PINX1: variants seen among roughly 807,000 people sequenced by gnomAD.
The protein encoded by PINX1 is PIN2 (TERF1) interacting telomerase inhibitor 1.
In PINX1, 34 loss-of-function variants were observed where a neutral mutation model predicts 25.4. That is an observed-to-expected ratio of 1.34 (90% CI 1.02 to 1.78). The LOEUF is 1.78. PINX1 is among the 40% of genes most tolerant of loss of function. The pLI is 0.00. For synonymous variants in PINX1, 197 were observed against 147.7 expected, an observed-to-expected ratio of 1.33 and a Z score of -2.42; for missense variants, 592 against 404.9, an observed-to-expected ratio of 1.46 and a Z score of -3.97.
intron 4 of PINX1, among the ~76,000 whole-genome samples, chr8:10,829,386 T>C (rs979505452): frequency 3.3e-5 from 5 of 152,164 alleles, no homozygotes; most frequent in Admixed American, 1.3e-4. Flanking sequence ...TCGTGGTTTA[T>C]GGCTCTAGAT....
chr8:10,780,358 T>A (rs932184391), intron 6 of PINX1, among the ~76,000 whole-genome samples: 2 of 152,222 alleles, frequency 1.3e-5, no homozygotes, highest in Non-Finnish European at 2.9e-5. Context: ...GGGTTTTTCA[T>A]AAGTGGCCTT....
chr8:10,781,619 A>G (rs1264418327), intron 6 of PINX1, among the ~76,000 whole-genome samples: 1 of 152,230 alleles, frequency 6.6e-6, no homozygotes, highest in Non-Finnish European at 1.5e-5. Flanking sequence ...GGAAATGTAA[A>G]TCAGAACCAT....
chr8:10,839,447 C>A (rs1798502139), intron 1 of PINX1, among the ~76,000 whole-genome samples: 1 of 152,116 alleles, frequency 6.6e-6, no homozygotes, highest in Admixed American at 6.5e-5. Context: ...GGCGGCGGGG[C>A]CAGTCCCGGG....
intron 4 of PINX1, among the ~76,000 whole-genome samples, chr8:10,830,625 T>G (rs1798200524): frequency 6.6e-6 from 1 of 152,192 alleles, no homozygotes; most frequent in Non-Finnish European, 1.5e-5. Context: ...TAAAAATGCT[T>G]GCAGATTACA....
intron 6 of PINX1, among the ~76,000 whole-genome samples, chr8:10,813,494 G>A (rs773259708): frequency 1.6e-4 from 24 of 152,242 alleles, no homozygotes; most frequent in African/African-American, 4.8e-4. Context: ...AAGCAGAAGC[G>A]TCTGCTCGGA....
At chr8:10,797,820 G>C (rs6983956) in intron 6 of PINX1, among the ~76,000 whole-genome samples, 31,488 of 152,122 alleles carry the variant, frequency 0.21, 4,754 homozygotes, top group African/African-American at 0.43. Context: ...TTTGAATTAG[G>C]AAATGGTACA....
At chr8:10,774,918 A>C (rs1340195888) in intron 6 of PINX1, among the ~76,000 whole-genome samples, 1 of 152,210 alleles carries the variant, frequency 6.6e-6, no homozygotes, top group Non-Finnish European at 1.5e-5. Context: ...GTCATGTTAA[A>C]AGAGTAAATG....
chr8:10,806,731 C>T (rs1300793920), intron 6 of PINX1, among the ~76,000 whole-genome samples: 1 of 152,122 alleles, frequency 6.6e-6, no homozygotes, highest in Non-Finnish European at 1.5e-5. Flanking sequence ...GAAAAACTGA[C>T]CCCCAGAGGC....
At chr8:10,813,739 G>A (rs1042636597) in intron 6 of PINX1, among the ~76,000 whole-genome samples, 2 of 152,116 alleles carry the variant, frequency 1.3e-5, no homozygotes, top group African/African-American at 2.4e-5. Context: ...ATTTTGCCAG[G>A]AGCCCATGCC....
chr8:10,792,898 GC>G (rs1801968009), intron 6 of PINX1, among the ~76,000 whole-genome samples: 1 of 152,074 alleles, frequency 6.6e-6, no homozygotes, highest in African/African-American at 2.4e-5. Context: ...TATCTGAGAT[GC>G]CCCCTTACCT....
At chr8:10,800,642 G>C (rs960144714) in intron 6 of PINX1, among the ~76,000 whole-genome samples, 1 of 152,010 alleles carries the variant, frequency 6.6e-6, no homozygotes, top group Non-Finnish European at 1.5e-5. Context: ...GTTAATGTTT[G>C]CATTTTTAGT....
intron 6 of PINX1, among the ~76,000 whole-genome samples, chr8:10,781,608 A>T (rs887859886): frequency 2.0e-5 from 3 of 152,352 alleles, no homozygotes; most frequent in South Asian, 2.1e-4. Flanking sequence ...CTAACCATCA[A>T]GGAAATGTAA....
At chr8:10,806,944 G>A (rs1802470817) in intron 6 of PINX1, among the ~76,000 whole-genome samples, 1 of 152,194 alleles carries the variant, frequency 6.6e-6, no homozygotes, top group African/African-American at 2.4e-5. Flanking sequence ...CTAAGGAAAT[G>A]GCAAACTCCC....
intron 6 of PINX1, chr8:10,787,829 C>A (rs1801798851): frequency 2.2e-6 from 1 of 453,582 alleles, no homozygotes; most frequent in Non-Finnish European, 4.4e-6. Flanking sequence ...CAATAAACTG[C>A]AAAGAAAAAA....
At position 10,818,816 on chromosome 8, in the gene PINX1, T is replaced by C. The variant is rs112785022; in HGVS notation, c.471+1377A>G. 7.7e-3 allele frequency among the ~76,000 whole-genome samples: 1,166 copies of C among 152,248 alleles called. 13 individuals are homozygous for C. Among genetic ancestry groups the C allele is most frequent in the African/African-American group, 0.027 (1,104 of 41,534 alleles). The stretch of plus-strand genomic sequence containing the variant: ...AAGAGGCGCGGGACTGGAATTCTAG[T>C]TCTTCCTGAGGACACGGAGACGACT... On this transcript the variant is annotated intron_variant, in intron 6 of 6. Coordinates refer to ENST00000314787, the MANE Select transcript of PINX1 (RefSeq NM_017884.6).
chr8:10,814,153 G>T (rs1678097330), intron 6 of PINX1, among the ~76,000 whole-genome samples: 1 of 152,070 alleles, frequency 6.6e-6, no homozygotes, highest in African/African-American at 2.4e-5. Context: ...CTCCAATTTA[G>T]GTGCACTCCA....
At chr8:10,796,690 T>C (rs1802094818) in intron 6 of PINX1, among the ~76,000 whole-genome samples, 1 of 151,968 alleles carries the variant, frequency 6.6e-6, no homozygotes, top group African/African-American at 2.4e-5. Flanking sequence ...TTTTTTCCCC[T>C]TAGTAACCTT....
intron 2 of PINX1, among the ~76,000 whole-genome samples, chr8:10,834,176 G>A (rs1297703926): frequency 3.3e-5 from 5 of 152,214 alleles, no homozygotes; most frequent in Admixed American, 2.6e-4. Context: ...AAATTTAGGA[G>A]TGGCAAGTGA....
intron 5 of PINX1, among the ~76,000 whole-genome samples, chr8:10,820,880 T>C: frequency 6.6e-6 from 1 of 152,264 alleles, no homozygotes; most frequent in Non-Finnish European, 1.5e-5. Context: ...GCTCTAGCTA[T>C]ATTGTCTCTA....
Sources: allele counts gnomAD v4.1 joint callset (sites outside exome capture counted in the v4.1 genomes callset), GRCh38; gene constraint gnomAD v4.1.1; transcripts MANE v1.5; gene names NCBI Gene and HGNC (gene_info 2026-07-23, HGNC 2026-07-21).